DIP2C: variants seen among roughly 807,000 people sequenced by gnomAD.
DIP2C encodes disco-interacting protein 2 homolog C.
DIP2C carries 33 observed loss-of-function variants against 192.4 expected under a neutral mutation model. The ratio of observed to expected loss-of-function variants is 0.17; its 90% CI spans 0.13 to 0.23. DIP2C has a LOEUF of 0.23. Among genes scored for constraint, DIP2C ranks in the 10% least tolerant of loss-of-function variants. The pLI is 1.00. For missense variants in DIP2C, 1,537 were observed against 2,110.1 expected, an observed-to-expected ratio of 0.73 and a Z score of 5.32; for synonymous variants, 979 against 864.1, an observed-to-expected ratio of 1.13 and a Z score of -2.33.
intron 28 of DIP2C, among the ~76,000 whole-genome samples, chr10:343,504 A>T (rs1336273985): frequency 2.0e-5 from 3 of 152,224 alleles, no homozygotes; most frequent in Non-Finnish European, 4.4e-5. Flanking sequence ...GCCTGGGAGA[A>T]GGTTTCGTAA....
chr10:600,956 T>C (rs1852034974), intron 1 of DIP2C, among the ~76,000 whole-genome samples: 1 of 152,184 alleles, frequency 6.6e-6, no homozygotes, highest in Non-Finnish European at 1.5e-5. Flanking sequence ...TGTGGCTCTG[T>C]GGTGTCACGT....
intron 32 of DIP2C, among the ~76,000 whole-genome samples, chr10:296,820 T>C (rs899155772): frequency 3.0e-5 from 4 of 135,230 alleles, no homozygotes; most frequent in Non-Finnish European, 6.1e-5. Context: ...CTCTCACTCA[T>C]AGGTGGGAAT....
chr10:444,737 C>T (rs1968023280), intron 3 of DIP2C, among the ~76,000 whole-genome samples: 1 of 152,234 alleles, frequency 6.6e-6, no homozygotes, highest in Non-Finnish European at 1.5e-5. Context: ...GAACTCATCG[C>T]CGTTGCCTAT....
chr10:519,499 C>CA (rs1564813738), intron 1 of DIP2C, among the ~76,000 whole-genome samples: 4 of 152,224 alleles, frequency 2.6e-5, no homozygotes, highest in African/African-American at 9.6e-5. Context: ...TCCCCTCCCC[C>CA]ACACATACAT....
In DIP2C at chr10:348,629, C is replaced by A. The variant is rs374416311; in HGVS notation, c.3231+12G>T. On this transcript the variant is annotated intron_variant, in intron 26 of 36. Coordinates refer to ENST00000280886, the MANE Select transcript of DIP2C (RefSeq NM_014974.3). ...AGGCAGGTGGAGGCCCCGACATTCC[C>A]AGGCATGTTACCTCCACAATCATCT... 5.6e-6 allele frequency: 9 copies of A among 1,611,280 alleles called. No individual in the cohort carries two copies. Among genetic ancestry groups the A allele is most frequent in the African/African-American group, 4.0e-5 (3 of 74,694 alleles).
At position 344,795 on chromosome 10, in the gene DIP2C, G is replaced by A. The variant is rs369299427; in HGVS notation, c.3453+14C>T. On this transcript the variant is annotated intron_variant, in intron 28 of 36. Transcript: ENST00000280886. The stretch of plus-strand genomic sequence containing the variant: ...GTTGCCTCCATGGCCACCGCCCGCA[G>A]CCACCCCCCTCACCTTTACGCCAGC... 18 of 1,571,266 alleles carry A rather than the reference G, an allele frequency of 1.1e-5. No homozygotes were observed. The highest frequency in any genetic ancestry group is 1.4e-5 in the Non-Finnish European group (16 of 1,158,390).
At chr10:323,432 G>C (rs1045461353) in intron 31 of DIP2C, among the ~76,000 whole-genome samples, 1 of 83,160 alleles carries the variant, frequency 1.2e-5, no homozygotes, top group Non-Finnish European at 2.9e-5. Context: ...AGAACAGTCA[G>C]TCGGGGGTGC....
chr10:341,472 A>C, intron 28 of DIP2C, 143 bp from the exon 29 acceptor site: 2 of 1,228,834 alleles, frequency 1.6e-6, no homozygotes, highest in South Asian at 2.7e-5. Context: ...ACGGGGCTGC[A>C]CTGAACGCAA....
At chr10:684,999 T>C (rs1268018151) in intron 1 of DIP2C, among the ~76,000 whole-genome samples, 2 of 151,280 alleles carry the variant, frequency 1.3e-5, no homozygotes, top group African/African-American at 4.9e-5. Context: ...CCGGGTGTGG[T>C]GGCGGGCACC....
chr10:325,135 A>G (rs370949324), intron 31 of DIP2C: 45 of 347,764 alleles, frequency 1.3e-4, no homozygotes, highest in East Asian at 1.2e-3. Flanking sequence ...CTTGGTGGCG[A>G]GCACCTGTAG....
chr10:578,209 C>T (rs769127438), intron 1 of DIP2C, among the ~76,000 whole-genome samples: 22 of 152,152 alleles, frequency 1.4e-4, no homozygotes, highest in African/African-American at 4.1e-4. Context: ...TCATTTTCAA[C>T]GTTAACAAAG....
chr10:294,728 A>T (rs3132001), intron 32 of DIP2C, among the ~76,000 whole-genome samples: 150,403 of 152,228 alleles, frequency 0.99, 74,322 homozygotes, highest in Middle Eastern at 1. Flanking sequence ...TAAAAAAAAA[A>T]TTTATTTTTG....
At chr10:296,261 A>T (rs933643325) in intron 32 of DIP2C, among the ~76,000 whole-genome samples, 1 of 152,206 alleles carries the variant, frequency 6.6e-6, no homozygotes, top group Non-Finnish European at 1.5e-5. Flanking sequence ...TAGGTCTAAC[A>T]TTAAGTCTTT....
intron 1 of DIP2C, among the ~76,000 whole-genome samples, chr10:656,379 T>C (rs1392463129): frequency 6.6e-6 from 1 of 152,222 alleles, no homozygotes; most frequent in Admixed American, 6.5e-5. Flanking sequence ...AATTCTATCC[T>C]GTTTGTTCCA....
At chr10:420,079 CCGCCACTGTCCCA>C (rs2133149065) in intron 5 of DIP2C, among the ~76,000 whole-genome samples, 1 of 152,342 alleles carries the variant, frequency 6.6e-6, no homozygotes, top group Non-Finnish European at 1.5e-5. Flanking sequence ...CAGGATCACC[CCGCCACTGTCCCA>C]CGCAACAGAA....
intron 1 of DIP2C, among the ~76,000 whole-genome samples, chr10:542,491 C>T (rs907405274): frequency 6.6e-6 from 1 of 152,224 alleles, no homozygotes; most frequent in East Asian, 1.9e-4. Context: ...ACGACCACAG[C>T]CCCAGCATTC....
intron 1 of DIP2C, among the ~76,000 whole-genome samples, chr10:547,163 G>A (rs747184187): frequency 5.9e-5 from 9 of 152,166 alleles, no homozygotes; most frequent in Non-Finnish European, 1.2e-4. Flanking sequence ...CCGGAATCCC[G>A]GTGCTGCAGC....
chr10:454,403 A>C (rs1969112559), intron 3 of DIP2C, among the ~76,000 whole-genome samples: 1 of 152,226 alleles, frequency 6.6e-6, no homozygotes, highest in South Asian at 2.1e-4. Flanking sequence ...AGTACTAAAA[A>C]GGGGATAAAA....
chr10:529,556 T>A (rs966866433), intron 1 of DIP2C, among the ~76,000 whole-genome samples: 1 of 151,970 alleles, frequency 6.6e-6, no homozygotes, highest in African/African-American at 2.4e-5. Context: ...AAGGGAGATA[T>A]GGGAAAACAG....
Sources: gnomAD v4.1 joint callset for allele counts (sites outside exome capture counted in the v4.1 genomes callset) on GRCh38, gnomAD v4.1.1 for gene constraint, MANE v1.5 for transcripts, NCBI Gene and HGNC (gene_info 2026-07-23, HGNC 2026-07-21) for gene names.